UVRAG: variants seen among roughly 807,000 people sequenced by gnomAD.
UVRAG encodes UV radiation resistance associated.
Under a neutral mutation model 78.0 loss-of-function variants are expected in UVRAG, and 19 were observed. That is an observed-to-expected ratio of 0.24 (90% CI 0.17 to 0.36). The LOEUF is 0.36. Ranked by LOEUF, UVRAG falls within the 10% of genes least tolerant of loss-of-function variation. The pLI, the probability that UVRAG is intolerant of heterozygous loss-of-function variation, is 1.00. For synonymous variants in UVRAG, 323 were observed against 324.6 expected, an observed-to-expected ratio of 1.00 and a Z score of 0.05; for missense variants, 740 against 853.8, an observed-to-expected ratio of 0.87 and a Z score of 1.66.
chr11:76,026,327 C>G (rs1254845857), intron 12 of UVRAG, among the ~76,000 whole-genome samples: 1 of 152,098 alleles, frequency 6.6e-6, no homozygotes, highest in Admixed American at 6.6e-5. Flanking sequence ...ACTTAAACAC[C>G]TGTTGACAAC....
At chr11:76,017,400 T>C (rs1175799885) in intron 12 of UVRAG, among the ~76,000 whole-genome samples, 1 of 152,114 alleles carries the variant, frequency 6.6e-6, no homozygotes, top group Non-Finnish European at 1.5e-5. Flanking sequence ...AATTGGAAGA[T>C]AGGTCAGCAG....
intron 3 of UVRAG, among the ~76,000 whole-genome samples, chr11:75,879,086 A>ACCGTTCTCT: frequency 6.6e-6 from 1 of 152,222 alleles, no homozygotes; most frequent in South Asian, 2.1e-4. Context: ...TTAATGAGAA[A>ACCGTTCTCT]TAATGTTCTT....
At chr11:75,819,941 C>G (rs1230307368) in intron 1 of UVRAG, among the ~76,000 whole-genome samples, 1 of 152,126 alleles carries the variant, frequency 6.6e-6, no homozygotes, top group Non-Finnish European at 1.5e-5. Context: ...GTACTCCAAC[C>G]TGGGCGACAA....
intron 13 of UVRAG, among the ~76,000 whole-genome samples, chr11:76,076,340 G>GGT (rs1174316918): frequency 2.6e-5 from 4 of 152,186 alleles, no homozygotes; most frequent in African/African-American, 9.7e-5. Flanking sequence ...TCACGATCAT[G>GGT]GTAGAAGGCA....
chr11:75,915,991 A>T (rs562178162), intron 6 of UVRAG: 1 of 152,234 alleles, frequency 6.6e-6, no homozygotes, highest in South Asian at 2.1e-4. Flanking sequence ...TGACTGAGAG[A>T]TTATTTTTAG....
rs189928212 is a variant in UVRAG, at chr11:75,888,928, G to T, written c.507+25G>T. The T allele has an allele frequency of 2.0e-4, 320 of 1,604,728 alleles. 1 individual carries two copies. In the African/African-American group the frequency reaches 3.7e-3, roughly 18 times the overall value. ...GGTAAGAAGATCCTTCTAATGTTAT[G>T]AATTTTGTTTAGTGCAGGTGTGCCT... On this transcript the variant is annotated intron_variant, in intron 5 of 14. Transcript: ENST00000356136.
chr11:75,982,971 T>C (rs938937134), intron 7 of UVRAG, among the ~76,000 whole-genome samples: 1 of 152,172 alleles, frequency 6.6e-6, no homozygotes, highest in Non-Finnish European at 1.5e-5. Context: ...CTATGAACAT[T>C]AGTATTCAGG....
intron 13 of UVRAG, among the ~76,000 whole-genome samples, chr11:76,070,181 A>G (rs1419416168): frequency 6.6e-6 from 1 of 152,242 alleles, no homozygotes; most frequent in East Asian, 1.9e-4. Flanking sequence ...TATTATGCTA[A>G]GTGAAATAAG....
intron 7 of UVRAG, among the ~76,000 whole-genome samples, chr11:75,961,857 C>T (rs1027550442): frequency 3.2e-4 from 49 of 151,604 alleles, no homozygotes; most frequent in African/African-American, 1.1e-3. Context: ...GAAAAATAGC[C>T]GCCAGGAGGA....
chr11:75,815,215 T>C lies in UVRAG; in HGVS notation c.-193T>C, dbSNP rs781600005. ...GGGTGGAGGGGTTGCACTGCGGTAA[T>C]ATGGCTCTTCCTTAGCCAGCGGCGG... On this transcript the variant is annotated 5_prime_UTR_variant, in exon 1 of 15. Coordinates refer to ENST00000356136, the MANE Select transcript of UVRAG (RefSeq NM_003369.4). 11 of 430,938 alleles carry C rather than the reference T, an allele frequency of 2.6e-5. No homozygotes were observed. The highest frequency in any genetic ancestry group is 6.2e-5 in the African/African-American group (3 of 48,528). 26.7% of individuals were successfully genotyped at this position (430,938 alleles called of 1,614,324 possible). A position where few individuals can be genotyped will look rare whatever the true frequency, so the allele number is the denominator to read the frequency against.
chr11:76,054,025 G>T (rs1351670038), intron 12 of UVRAG, among the ~76,000 whole-genome samples: 1 of 151,832 alleles, frequency 6.6e-6, no homozygotes, highest in African/African-American at 2.4e-5. Flanking sequence ...TACAGTATAG[G>T]TTTGGTTTTC....
At chr11:75,828,740 TATATATACACACAC>T (rs1435359710) in intron 1 of UVRAG, among the ~76,000 whole-genome samples, 124 of 94,892 alleles carry the variant, frequency 1.3e-3, no homozygotes, top group African/African-American at 9.1e-3. Context: ...TGTATATATA[TATATATACACACAC>T]ATATATATAT....
chr11:75,888,285 C>T (rs1947137230), intron 4 of UVRAG, among the ~76,000 whole-genome samples: 1 of 151,936 alleles, frequency 6.6e-6, no homozygotes, highest in South Asian at 2.1e-4. Context: ...AGGCGTGCAC[C>T]ATCATGCCCG....
At chr11:75,835,311 CT>C (rs1193773881) in intron 1 of UVRAG, 1 of 152,078 alleles carries the variant, frequency 6.6e-6, no homozygotes, top group Non-Finnish European at 1.5e-5. Context: ...AACTCATTAC[CT>C]TTGGATCAGC....
chr11:75,884,547 G>GT (rs903638206), intron 4 of UVRAG, among the ~76,000 whole-genome samples: 30 of 152,062 alleles, frequency 2.0e-4, no homozygotes, highest in African/African-American at 7.2e-4. Flanking sequence ...AAGTTTTATA[G>GT]TTTTAGGTTT....
At chr11:76,072,491 A>C (rs937102022) in intron 13 of UVRAG, among the ~76,000 whole-genome samples, 2 of 152,156 alleles carry the variant, frequency 1.3e-5, no homozygotes, top group African/African-American at 4.8e-5. Context: ...CACTTATCCC[A>C]AATTGCCTTT....
chr11:76,061,434 CTG>C (rs1253811528), intron 12 of UVRAG, among the ~76,000 whole-genome samples: 1 of 152,172 alleles, frequency 6.6e-6, no homozygotes, highest in African/African-American at 2.4e-5. Context: ...CCCTTCCACT[CTG>C]TGGAAGCTTT....
chr11:76,048,928 G>A (rs1055485119), intron 12 of UVRAG, among the ~76,000 whole-genome samples: 2 of 152,232 alleles, frequency 1.3e-5, no homozygotes. Flanking sequence ...CTGCAGCCAA[G>A]CAGGCATAGG....
rs778528451 is a variant in UVRAG at position 76,007,514 on chromosome 11, A to AT, written c.912-14dup. 1.2e-4 allele frequency: 186 copies of AT among 1,573,464 alleles called. 1 individual carries two copies. The highest frequency in any genetic ancestry group is 1.6e-4 in the Non-Finnish European group (181 of 1,151,118). On this transcript the variant is annotated intron_variant, in intron 9 of 14. Transcript: ENST00000356136. ...CAAGCATATATTTTTTAATAAATGT[A>AT]TTTTTTCTTTCCTCATTAGAGAACT...
Sources: gnomAD v4.1 joint callset for allele counts (sites outside exome capture counted in the v4.1 genomes callset) on GRCh38, gnomAD v4.1.1 for gene constraint, MANE v1.5 for transcripts, NCBI Gene and HGNC (gene_info 2026-07-23, HGNC 2026-07-21) for gene names.